NHS: variants seen among roughly 807,000 people sequenced by gnomAD.
NHS encodes the protein NHS actin remodeling regulator, also known as actin remodeling regulator NHS.
A neutral mutation model predicts 72.5 loss-of-function variants in NHS; 5 were observed. That is an observed-to-expected ratio of 0.07 (90% CI 0.04 to 0.14). The LOEUF (loss-of-function observed/expected upper bound fraction) is 0.14, where lower values mean the gene tolerates loss of function less well. NHS is among the 10% of genes least tolerant of loss of function. The pLI, the probability that NHS is intolerant of heterozygous loss-of-function variation, is 1.00. For missense variants in NHS, 1,072 were observed against 1,355.7 expected (o/e 0.79, Z 3.29); for synonymous variants, 464 against 547.7 (o/e 0.85, Z 2.13).
chrX:17,405,375 T>A (rs1188587031), intron 1 of NHS, among the ~76,000 whole-genome samples: 1 of 112,105 alleles, frequency 8.9e-6, no homozygotes, highest in African/African-American at 3.2e-5. Flanking sequence ...AGTGCCTGCC[T>A]GGAATGTGGT....
intron 1 of NHS, among the ~76,000 whole-genome samples, chrX:17,471,388 T>C (rs2064891984): frequency 8.9e-6 from 1 of 112,539 alleles, no homozygotes; most frequent in South Asian, 3.7e-4. Context: ...GTGGTTTAAA[T>C]CTCTCCTTTG....
intron 2 of NHS, among the ~76,000 whole-genome samples, chrX:17,692,085 C>T (rs1322955280): frequency 2.7e-5 from 3 of 111,769 alleles, no homozygotes; most frequent in Non-Finnish European, 5.6e-5. Flanking sequence ...ACACTGAACT[C>T]AGAAGTGAGC....
intron 1 of NHS, among the ~76,000 whole-genome samples, chrX:17,536,342 G>A (rs1209302751): frequency 1.8e-5 from 2 of 112,128 alleles, no homozygotes; most frequent in Non-Finnish European, 3.8e-5. Context: ...GCAACAGAGC[G>A]AGACTCCGTC....
intron 1 of NHS, among the ~76,000 whole-genome samples, chrX:17,414,139 C>T (rs2064578459): frequency 8.9e-6 from 1 of 112,485 alleles, no homozygotes; most frequent in South Asian, 3.7e-4. Flanking sequence ...TCCAGGAGGA[C>T]TGGCCCAGAC....
At chrX:17,688,044 G>A in intron 2 of NHS, 150 bp downstream of exon 2, 1 of 592,692 alleles carries the variant, frequency 1.7e-6, no homozygotes, top group Non-Finnish European at 2.6e-6. Context: ...TGAAATCCAT[G>A]GGTAATATGC....
At chrX:17,537,374 C>G (rs776072848) in intron 1 of NHS, among the ~76,000 whole-genome samples, 27 of 112,615 alleles carry the variant, frequency 2.4e-4, no homozygotes, top group East Asian at 8.3e-4. Flanking sequence ...AAGACAGAAT[C>G]TCTTTGGATG....
intron 3 of NHS, among the ~76,000 whole-genome samples, chrX:17,711,486 A>G (rs2147129388): frequency 8.9e-6 from 1 of 112,657 alleles, no homozygotes; most frequent in Non-Finnish European, 1.9e-5. Flanking sequence ...GTGATTAAAC[A>G]AAGTGTTCTT....
intron 1 of NHS, among the ~76,000 whole-genome samples, chrX:17,568,647 G>GTTATTATTATTATTA (rs35281549): frequency 2.2e-5 from 2 of 92,140 alleles, no homozygotes; most frequent in African/African-American, 3.9e-5. Context: ...AGGTTACTTA[G>GTTATTATTATTATTA]TTATTATTAT....
rs753014585 is a variant in NHS at position 17,627,906 on chromosome X, T to C, written c.566-59836T>C. Among the ~76,000 whole-genome samples the C allele has an allele frequency of 2.7e-5, 3 of 112,651 alleles. No individual in the cohort carries two copies. In the South Asian group the frequency reaches 1.1e-3, roughly 41 times the overall value. On this transcript the variant is annotated intron_variant, in intron 1 of 8. Coordinates refer to ENST00000676302, the MANE Select transcript of NHS (RefSeq NM_001291867.2). Reference sequence around the variant, plus strand: ...TTGGTCCTCTCAGCAATAGGCTTGATTTCCATTAAAATGCAAAAACCCTAG... The same window carrying C: ...TTGGTCCTCTCAGCAATAGGCTTGACTTCCATTAAAATGCAAAAACCCTAG...
intron 1 of NHS, among the ~76,000 whole-genome samples, chrX:17,590,663 C>T (rs1308123020): frequency 9.0e-6 from 1 of 111,566 alleles, no homozygotes; most frequent in Non-Finnish European, 1.9e-5. Flanking sequence ...TTCTTCTGTG[C>T]CTCTGAATTC....
At chrX:17,729,345 G>T (rs2066472047) in intron 8 of NHS, among the ~76,000 whole-genome samples, 1 of 112,032 alleles carries the variant, frequency 8.9e-6, no homozygotes, top group Non-Finnish European at 1.9e-5. Context: ...TTATTTGTCA[G>T]CTTAAAATAA....
intron 1 of NHS, among the ~76,000 whole-genome samples, chrX:17,440,258 TAAAAAAAAAAAAAAAA>T (rs1036618487): frequency 8.0e-5 from 3 of 37,304 alleles, no homozygotes; most frequent in Admixed American, 3.6e-4. Flanking sequence ...GACTCAGTCT[TAAAAAAAAAAAAAAAA>T]AAAAAAAAAA....
At position 17,728,130 on chromosome X, in the gene NHS, C is replaced by G. The variant is rs2066462612; in HGVS notation, c.4024C>G (p.His1342Asp). ...AACAGATGTAAGCAATCAATTTAAG[C>G]ATCAATTTGTTATGAGCCGCCACCA... ...RATDVSNQFK[H>D]QFVMSRHHDK... The change falls in exon 7 of 9, where the codon CAT becomes GAT. Residue 1342 changes from histidine to aspartate, a missense_variant. Transcript: ENST00000676302. 1 of 1,211,678 alleles carries G rather than the reference C, an allele frequency of 8.3e-7. No homozygotes were observed. Among genetic ancestry groups the G allele is most frequent in the Non-Finnish European group, 1.1e-6 (1 of 895,424 alleles).
In NHS at chrX:17,723,922, A is replaced by G. The variant is rs12559444; in HGVS notation, c.1109-377A>G. 4.8e-4 allele frequency among the ~76,000 whole-genome samples: 54 copies of G among 111,648 alleles called. No homozygotes were observed. The Admixed American group carries it at 4.8e-3, about 10-fold the overall frequency. The stretch of plus-strand genomic sequence containing the variant: ...TTATCATCCTGGCTGCTGATTTACT[A>G]TGCAAAGGTATCAGCTTCAGAGAGC... On this transcript the variant is annotated intron_variant, in intron 5 of 8. Coordinates refer to ENST00000676302, the MANE Select transcript of NHS (RefSeq NM_001291867.2).
chrX:17,464,203 T>C (rs748557241), intron 1 of NHS, among the ~76,000 whole-genome samples: 1 of 111,504 alleles, frequency 9.0e-6, no homozygotes, highest in African/African-American at 3.3e-5. Context: ...AGAGAAAAAC[T>C]TTTGCTTCTG....
intron 6 of NHS, 25 bp downstream of exon 6, chrX:17,724,455 G>C (rs1219175323): frequency 1.7e-5 from 20 of 1,203,936 alleles, no homozygotes; most frequent in Admixed American, 4.4e-5. Flanking sequence ...AATGTTAATG[G>C]TTAACATTCC....
chrX:17,572,491 C>CT (rs760577193), intron 1 of NHS, among the ~76,000 whole-genome samples: 6,177 of 46,429 alleles, frequency 0.13, 701 homozygotes, highest in East Asian at 0.2. Flanking sequence ...GCAACCCCTG[C>CT]TTTTTTTTTT....
chrX:17,596,561 G>T (rs746434827), intron 1 of NHS, among the ~76,000 whole-genome samples: 1 of 112,160 alleles, frequency 8.9e-6, no homozygotes, highest in Non-Finnish European at 1.9e-5. Flanking sequence ...TAAGGGTTAG[G>T]ATGTGGGATT....
At chrX:17,460,141 T>A (rs777276179) in intron 1 of NHS, among the ~76,000 whole-genome samples, 2 of 111,884 alleles carry the variant, frequency 1.8e-5, no homozygotes, top group South Asian at 7.5e-4. Flanking sequence ...TTTTCCCAAG[T>A]ACAATGTTTA....
Sources: gnomAD v4.1 joint callset for allele counts (sites outside exome capture counted in the v4.1 genomes callset) on GRCh38, gnomAD v4.1.1 for gene constraint, MANE v1.5 for transcripts, NCBI Gene and HGNC (gene_info 2026-07-23, HGNC 2026-07-21) for gene names.